Variants in EVC2 observed in about 807,000 individuals in gnomAD.
EVC2 encodes limbin.
Under a neutral mutation model 149.3 loss-of-function variants are expected in EVC2, and 148 were observed. The ratio of observed to expected loss-of-function variants is 0.99; its 90% confidence interval spans 0.87 to 1.14. The LOEUF (loss-of-function observed/expected upper bound fraction) is 1.14, where lower values mean the gene tolerates loss of function less well. Ranked by LOEUF, EVC2 falls within the 50% of genes most tolerant of loss-of-function variation. EVC2 has a pLI of 0.00. For missense variants in EVC2, 1,854 were observed against 1,627.3 expected (o/e 1.14, Z -2.40); for synonymous variants, 776 against 649.9 (o/e 1.19, Z -2.95).
intron 9 of EVC2, among the ~76,000 whole-genome samples, chr4:5,652,057 C>G (rs115040140): frequency 6.6e-6 from 1 of 152,180 alleles, no homozygotes; most frequent in South Asian, 2.1e-4. Context: ...GGGAAGCTGG[C>G]GAAGGCTTTT....
intron 19 of EVC2, among the ~76,000 whole-genome samples, chr4:5,570,135 G>A (rs559943367): frequency 3.9e-5 from 6 of 152,128 alleles, no homozygotes; most frequent in Non-Finnish European, 8.8e-5. Context: ...CATTTCTAGT[G>A]TGCCTCTGGA....
chr4:5,589,142 G>C (rs984805865), intron 16 of EVC2, among the ~76,000 whole-genome samples: 1 of 152,176 alleles, frequency 6.6e-6, no homozygotes, highest in Admixed American at 6.5e-5. Flanking sequence ...ATTGAGCTTT[G>C]TTCTGAGATG....
chr4:5,595,527 T>G (rs1182661746), intron 16 of EVC2, among the ~76,000 whole-genome samples: 8 of 152,096 alleles, frequency 5.3e-5, no homozygotes, highest in African/African-American at 9.7e-5. Flanking sequence ...CTGAGAGATT[T>G]TGTCACCACC....
chr4:5,591,391 G>A (rs1020448013), intron 16 of EVC2, among the ~76,000 whole-genome samples: 5 of 152,144 alleles, frequency 3.3e-5, no homozygotes, highest in African/African-American at 9.7e-5. Context: ...GCTGACAGAA[G>A]TCTTCCTTAT....
At chr4:5,590,313 G>GT (rs1295806480) in intron 16 of EVC2, among the ~76,000 whole-genome samples, 2 of 152,126 alleles carry the variant, frequency 1.3e-5, no homozygotes, top group Non-Finnish European at 2.9e-5. Context: ...GCAAGAATTG[G>GT]TAAGAGGTGA....
At chr4:5,547,049 T>A (rs953564063) in intron 21 of EVC2, among the ~76,000 whole-genome samples, 1 of 152,182 alleles carries the variant, frequency 6.6e-6, no homozygotes, top group African/African-American at 2.4e-5. Flanking sequence ...GACTCAGGAA[T>A]CTCTGCACTC....
chr4:5,623,338 ATTT>A (rs934150878), intron 13 of EVC2, among the ~76,000 whole-genome samples: 1 of 145,544 alleles, frequency 6.9e-6, no homozygotes, highest in African/African-American at 2.5e-5. Context: ...TTATTTATTT[ATTT>A]TTTTTATTTT....
Position 5,684,984 on chromosome 4 carries a change from T to C in EVC2, c.816+386A>G, listed in dbSNP as rs200588260. Among the ~76,000 whole-genome samples the C allele has an allele frequency of 1.9e-4, 29 of 152,318 alleles. No homozygotes were observed. The East Asian group carries it at 4.8e-3, about 25-fold the overall frequency. ...CTCTGGCTTCCAGCCTCCTGGACAA[T>C]ACATTTCTGTTGTTTTTAAGTCTAG... On this transcript the variant is annotated intron_variant, in intron 6 of 21. Transcript: ENST00000344408.
At chr4:5,643,897 T>C (rs1280475857) in intron 9 of EVC2, among the ~76,000 whole-genome samples, 4 of 151,620 alleles carry the variant, frequency 2.6e-5, no homozygotes, top group African/African-American at 9.7e-5. Context: ...TGTCTCAAAA[T>C]AAAAAAAAAT....
In EVC2 at chr4:5,663,206, G is replaced by A. The variant is rs376988870; in HGVS notation, c.1046C>T (p.Thr349Ile). Reference protein sequence around the residue: ...YESKLEPLPFTSADGVNEDLS... With the variant: ...YESKLEPLPFISADGVNEDLS... ...GTCCTCATTCACGCCATCAGCTGAG[G>A]TGAACGGCAAGGGTTCCAGCTTGCT... is the stretch of plus-strand genomic sequence containing the variant. The change falls in exon 9 of 22, where the codon ACC becomes ATC. Residue 349 changes from threonine (T) to isoleucine (I), a missense_variant. Physicochemically the swap from Thr to Ile is moderately conservative, Grantham distance 89. Coordinates refer to ENST00000344408, the MANE Select transcript of EVC2 (RefSeq NM_147127.5). 8.7e-6 allele frequency: 14 copies of A among 1,614,164 alleles called. No homozygotes were observed. The highest frequency in any genetic ancestry group is 3.3e-5 in the Admixed American group (2 of 60,030).
At chr4:5,568,946 T>A (rs999019508) in intron 19 of EVC2, among the ~76,000 whole-genome samples, 1 of 152,146 alleles carries the variant, frequency 6.6e-6, no homozygotes, top group African/African-American at 2.4e-5. Context: ...TGAATGTACT[T>A]TCTCCTCCTC....
At position 5,568,654 on chromosome 4, in the gene EVC2, C is replaced by A. The variant is rs762816491; in HGVS notation, c.3361-14G>T. The A allele has an allele frequency of 1.9e-6, 3 of 1,604,640 alleles. No individual in the cohort carries two copies. Among genetic ancestry groups the A allele is most frequent in the Non-Finnish European group, 2.5e-6 (3 of 1,179,440 alleles). ...CAGTCTCAGCTCCTACAGGAAACAA[C>A]AGAGGGAGTTCAGACCCTCGCCGCC... On this transcript the variant is annotated splice_polypyrimidine_tract_variant and intron_variant, in intron 19 of 21. Coordinates refer to ENST00000344408, the MANE Select transcript of EVC2 (RefSeq NM_147127.5).
chr4:5,589,019 T>G (rs1577124515), intron 16 of EVC2, among the ~76,000 whole-genome samples: 1 of 152,380 alleles, frequency 6.6e-6, no homozygotes, highest in East Asian at 1.9e-4. Context: ...ATTTTTCTCC[T>G]CATGAGGAGT....
intron 4 of EVC2, among the ~76,000 whole-genome samples, chr4:5,689,980 G>A (rs1337041518): frequency 6.6e-6 from 1 of 152,124 alleles, no homozygotes; most frequent in Admixed American, 6.5e-5. Context: ...GCAGGAGCCA[G>A]AAAAAAGAGA....
intron 16 of EVC2, among the ~76,000 whole-genome samples, chr4:5,599,633 A>G (rs1713802054): frequency 6.6e-6 from 1 of 152,188 alleles, no homozygotes. Context: ...ATGACGAGTT[A>G]ATGGGTGCAG....
At chr4:5,691,202 A>G (rs2151733836) in intron 4 of EVC2, 63 bp downstream of exon 4, 2 of 1,455,792 alleles carry the variant, frequency 1.4e-6, no homozygotes, top group Non-Finnish European at 9.7e-7. Flanking sequence ...TGACTCTAAT[A>G]AAATGATCTG....
chr4:5,689,494 T>C, intron 4 of EVC2, 151 bp from the exon 5 acceptor site: 1 of 794,078 alleles, frequency 1.3e-6, no homozygotes, highest in East Asian at 2.7e-5. Flanking sequence ...TCAGTCTCAG[T>C]ATGATTTCAA....
intron 7 of EVC2, among the ~76,000 whole-genome samples, chr4:5,673,564 T>TCCCA (rs1442945681): frequency 3.5e-5 from 2 of 57,088 alleles, no homozygotes; most frequent in African/African-American, 2.0e-4. Context: ...TATCCCGGCT[T>TCCCA]CCCCCCCAGA....
At chr4:5,662,992 A>G in intron 9 of EVC2, 115 bp downstream of exon 9, 1 of 1,397,896 alleles carries the variant, frequency 7.2e-7, no homozygotes, top group Non-Finnish European at 1.0e-6. Context: ...TTATGACTAC[A>G]GAGTGACAAA....
Sources: allele counts gnomAD v4.1 joint callset (sites outside exome capture counted in the v4.1 genomes callset), GRCh38; gene constraint gnomAD v4.1.1; transcripts MANE v1.5; gene names NCBI Gene and HGNC (gene_info 2026-07-23, HGNC 2026-07-21).